APBB2: variants seen among roughly 807,000 people sequenced by gnomAD.
APBB2 encodes amyloid beta precursor protein binding family B member 2, also known as Fe65-like 1.
In APBB2, 38 loss-of-function variants were observed where a neutral mutation model predicts 82.5. The ratio of observed to expected loss-of-function variants is 0.46; its 90% confidence interval spans 0.36 to 0.60. APBB2 has a LOEUF of 0.60. Ranked by LOEUF, APBB2 falls within the 20% of genes least tolerant of loss-of-function variation. The pLI is 0.00. For synonymous variants in APBB2, 341 were observed against 368.2 expected, an observed-to-expected ratio of 0.93 and a Z score of 0.85; for missense variants, 772 against 972.3, an observed-to-expected ratio of 0.79 and a Z score of 2.74.
intron 1 of APBB2, among the ~76,000 whole-genome samples, chr4:41,158,271 T>C (rs1263177845): frequency 6.6e-6 from 1 of 152,186 alleles, no homozygotes; most frequent in Non-Finnish European, 1.5e-5. Flanking sequence ...ATTATTACTA[T>C]GAAAATTACA....
In APBB2 at chr4:41,014,443, CT is replaced by C. The variant is rs753557302; in HGVS notation, c.20-46del. 4 of 1,527,738 alleles carry C rather than the reference CT, an allele frequency of 2.6e-6. No homozygotes were observed. The Admixed American group carries it at 5.5e-5, about 21-fold the overall frequency. 94.6% of individuals were successfully genotyped at this position (1,527,738 alleles called of 1,614,324 possible). A position where few individuals can be genotyped will look rare whatever the true frequency, so the allele number is the denominator to read the frequency against. Reference sequence around the variant, plus strand: ...TTAGACACCTGCCATGATTAAACTACTTAGTATACAGTGTGAGTAAATATTT... The same window carrying C: ...TTAGACACCTGCCATGATTAAACTACTAGTATACAGTGTGAGTAAATATTT... On this transcript the variant is annotated intron_variant, in intron 5 of 17. Coordinates refer to ENST00000508593, the MANE Select transcript of APBB2 (RefSeq NM_004307.2).
rs1032783279 is a variant in APBB2 at position 41,116,313 on chromosome 4, G to A, written c.-260-15563C>T. Among the ~76,000 whole-genome samples the A allele has an allele frequency of 2.6e-5, 4 of 152,162 alleles. No individual in the cohort carries two copies. In the East Asian group the frequency reaches 5.8e-4, roughly 22 times the overall value. On this transcript the variant is annotated intron_variant, in intron 2 of 17. Coordinates refer to ENST00000508593, the MANE Select transcript of APBB2 (RefSeq NM_004307.2). ...GGAAGATCACACACCGGGGCCTGTC[G>A]GTGGGTGGGGGGCCAGGGGAGGGAC...
At chr4:40,831,856 C>T (rs1486696216) in intron 12 of APBB2, among the ~76,000 whole-genome samples, 1 of 152,100 alleles carries the variant, frequency 6.6e-6, no homozygotes. Flanking sequence ...TGGGTGTTCG[C>T]ATTTTTTCTA....
At chr4:41,009,087 T>C (rs1807596386) in intron 6 of APBB2, among the ~76,000 whole-genome samples, 2 of 152,178 alleles carry the variant, frequency 1.3e-5, no homozygotes, top group South Asian at 4.1e-4. Flanking sequence ...TTCAAAATGA[T>C]GCATCTTTTC....
At chr4:40,940,423 T>G (rs1383656573) in intron 7 of APBB2, among the ~76,000 whole-genome samples, 1 of 152,194 alleles carries the variant, frequency 6.6e-6, no homozygotes, top group Non-Finnish European at 1.5e-5. Context: ...CTCGGCTCAC[T>G]GGCTGAGAAA....
At chr4:41,085,035 G>T (rs746307171) in intron 3 of APBB2, among the ~76,000 whole-genome samples, 7 of 152,074 alleles carry the variant, frequency 4.6e-5, no homozygotes, top group Non-Finnish European at 5.9e-5. Context: ...TGGATCACAA[G>T]GTCAGGAGAT....
intron 5 of APBB2, among the ~76,000 whole-genome samples, chr4:41,032,973 C>T (rs1326264876): frequency 6.6e-6 from 1 of 150,852 alleles, no homozygotes. Context: ...TTAGTAGAGA[C>T]GGGGTTTCAC....
rs192767350 is a variant in APBB2, at chr4:40,902,535, T to C, written c.1255-9124A>G. Among the ~76,000 whole-genome samples the C allele has an allele frequency of 2.0e-4, 31 of 152,240 alleles. 1 individual carries two copies. The East Asian group carries it at 5.2e-3, about 26-fold the overall frequency. ...AAGTCTGACCCAGGTTTTTTGTTTT[T>C]GTTTTTGTATTTTTTTGAGATGGGG... On this transcript the variant is annotated intron_variant, in intron 10 of 17. Coordinates refer to ENST00000508593, the MANE Select transcript of APBB2 (RefSeq NM_004307.2).
At chr4:40,994,811 GAA>G (rs71198624) in intron 6 of APBB2, among the ~76,000 whole-genome samples, 1 of 112,982 alleles carries the variant, frequency 8.9e-6, no homozygotes. Context: ...CAAGACTCCG[GAA>G]AAAAAAAAAA....
intron 10 of APBB2, among the ~76,000 whole-genome samples, chr4:40,901,843 C>T (rs1336236015): frequency 3.3e-5 from 5 of 151,788 alleles, no homozygotes; most frequent in Admixed American, 6.6e-5. Context: ...TAAGGGTCCA[C>T]GGACCTGGGA....
chr4:41,116,033 A>C (rs1750863732), intron 2 of APBB2, among the ~76,000 whole-genome samples: 1 of 152,204 alleles, frequency 6.6e-6, no homozygotes, highest in Admixed American at 6.5e-5. Context: ...ATTGCAGCAC[A>C]GTTCACAATA....
chr4:40,966,395 G>A (rs1794663437), intron 6 of APBB2, among the ~76,000 whole-genome samples: 1 of 152,210 alleles, frequency 6.6e-6, no homozygotes, highest in Admixed American at 6.5e-5. Flanking sequence ...CCAGGGCTGT[G>A]GACTCCACCA....
chr4:41,190,968 G>A (rs1774259586), intron 1 of APBB2, among the ~76,000 whole-genome samples: 1 of 152,180 alleles, frequency 6.6e-6, no homozygotes, highest in Non-Finnish European at 1.5e-5. Flanking sequence ...GAGAGCTGTG[G>A]TTGGCCCATC....
At chr4:40,896,266 G>A (rs1435066125) in intron 10 of APBB2, among the ~76,000 whole-genome samples, 1 of 152,216 alleles carries the variant, frequency 6.6e-6, no homozygotes, top group Non-Finnish European at 1.5e-5. Flanking sequence ...GTTTCACCAT[G>A]TTGGCCAGGC....
intron 1 of APBB2, among the ~76,000 whole-genome samples, chr4:41,176,201 C>T (rs998816715): frequency 3.3e-5 from 5 of 151,874 alleles, no homozygotes; most frequent in Non-Finnish European, 7.4e-5. Context: ...TAATAAAACA[C>T]GGACAAAATA....
chr4:41,170,623 A>G (rs939967561), intron 1 of APBB2, among the ~76,000 whole-genome samples: 8 of 152,230 alleles, frequency 5.3e-5, no homozygotes, highest in African/African-American at 1.9e-4. Context: ...AAGGAAGACT[A>G]AGGAAACAAC....
intron 3 of APBB2, among the ~76,000 whole-genome samples, chr4:41,071,226 A>T (rs982704452): frequency 6.6e-6 from 1 of 152,250 alleles, no homozygotes; most frequent in African/African-American, 2.4e-5. Flanking sequence ...AAAAATTTTT[A>T]AATGGCTTTA....
At chr4:41,138,810 A>G (rs1319992838) in intron 2 of APBB2, among the ~76,000 whole-genome samples, 1 of 152,210 alleles carries the variant, frequency 6.6e-6, no homozygotes, top group Non-Finnish European at 1.5e-5. Flanking sequence ...TGCAGATGAC[A>G]TAATCTGGTA....
chr4:40,930,289 T>G (rs35389979), intron 10 of APBB2, among the ~76,000 whole-genome samples: 20,970 of 152,118 alleles, frequency 0.14, 1,941 homozygotes, highest in Middle Eastern at 0.2. Context: ...AATAAAAAGT[T>G]AAACAGGAGA....
Sources: gnomAD v4.1 joint callset for allele counts (sites outside exome capture counted in the v4.1 genomes callset) on GRCh38, gnomAD v4.1.1 for gene constraint, MANE v1.5 for transcripts, NCBI Gene and HGNC (gene_info 2026-07-23, HGNC 2026-07-21) for gene names.